Variants in HIPK2 observed in about 807,000 individuals in gnomAD.
HIPK2 encodes homeodomain-interacting protein kinase 2.
In HIPK2, 27 loss-of-function variants were observed where a neutral mutation model predicts 113.7. The ratio of observed to expected loss-of-function variants is 0.24; its 90% confidence interval spans 0.17 to 0.33. The LOEUF (loss-of-function observed/expected upper bound fraction) is 0.33. HIPK2 is among the 10% of genes least tolerant of loss of function. The probability of loss-of-function intolerance (pLI) is 1.00; values close to 1 mark genes in which losing one functional copy is unlikely to be tolerated. For synonymous variants in HIPK2, 631 were observed against 642.2 expected (o/e 0.98, Z 0.26); for missense variants, 1,257 against 1,588.0 (o/e 0.79, Z 3.54).
intron 2 of HIPK2, among the ~76,000 whole-genome samples, chr7:139,687,872 T>G (rs1276575384): frequency 1.3e-5 from 2 of 152,174 alleles, no homozygotes; most frequent in Non-Finnish European, 2.9e-5. Context: ...TATGGGTGAT[T>G]GGGAGAAGGA....
At chr7:139,644,337 T>C (rs2116404718) in intron 2 of HIPK2, among the ~76,000 whole-genome samples, 1 of 152,314 alleles carries the variant, frequency 6.6e-6, no homozygotes, top group South Asian at 2.1e-4. Flanking sequence ...CCATCCGCTG[T>C]CCCTCCTCCT....
chr7:139,638,845 G>C (rs185132247), intron 2 of HIPK2, among the ~76,000 whole-genome samples: 306 of 152,154 alleles, frequency 2.0e-3, no homozygotes, highest in African/African-American at 7.0e-3. Flanking sequence ...TTTTAGTAAA[G>C]ACGCGGTTTC....
At chr7:139,628,478 T>G (rs1800503712) in intron 5 of HIPK2, among the ~76,000 whole-genome samples, 1 of 152,190 alleles carries the variant, frequency 6.6e-6, no homozygotes, top group African/African-American at 2.4e-5. Flanking sequence ...GTTTTGATCT[T>G]GTTGTCCAGG....
At chr7:139,751,562 G>A (rs1039491112) in intron 1 of HIPK2, among the ~76,000 whole-genome samples, 9 of 148,004 alleles carry the variant, frequency 6.1e-5, no homozygotes, top group African/African-American at 2.3e-4. Flanking sequence ...AGGGAGGGAG[G>A]GATGGATGGA....
chr7:139,754,842 G>A (rs1247768410), intron 1 of HIPK2, among the ~76,000 whole-genome samples: 9 of 152,232 alleles, frequency 5.9e-5, no homozygotes, highest in South Asian at 2.1e-4. Context: ...CTTCCAATAC[G>A]TTCTCTTGCT....
chr7:139,643,477 T>G (rs1386533737), intron 2 of HIPK2, among the ~76,000 whole-genome samples: 3 of 152,116 alleles, frequency 2.0e-5, no homozygotes, highest in African/African-American at 7.2e-5. Context: ...AAAATCTAAC[T>G]CACTTGTTTA....
intron 1 of HIPK2, among the ~76,000 whole-genome samples, chr7:139,731,359 A>G (rs1169624032): frequency 6.6e-6 from 1 of 152,202 alleles, no homozygotes; most frequent in Non-Finnish European, 1.5e-5. Context: ...TTATGCAAAT[A>G]TATTTGTTCA....
intron 7 of HIPK2, 62 bp from the exon 8 acceptor site, chr7:139,614,555 G>C (rs1439244309): frequency 5.9e-6 from 6 of 1,025,508 alleles, no homozygotes; most frequent in Non-Finnish European, 7.8e-6. Flanking sequence ...GAGGTGGCAT[G>C]TTGGGAGACA....
In HIPK2 at chr7:139,673,949, T is replaced by C. The variant is rs1432348524; in HGVS notation, c.1103+41983A>G. On this transcript the variant is annotated intron_variant, in intron 2 of 14. Coordinates refer to ENST00000406875, the MANE Select transcript of HIPK2 (RefSeq NM_022740.5). ...CTAGGCAGACTGCAGACTACGCCTGTAGTCCCAGCAACTCGGGAGGCTGAG... is the reference window on the plus strand; with the variant it reads ...CTAGGCAGACTGCAGACTACGCCTGCAGTCCCAGCAACTCGGGAGGCTGAG... 4.2e-5 allele frequency among the ~76,000 whole-genome samples: 6 copies of C among 143,288 alleles called. No individual in the cohort carries two copies. The East Asian group carries it at 6.3e-4, about 15-fold the overall frequency. 94.0% of individuals were successfully genotyped at this position (143,288 alleles called of 152,430 possible).
intron 1 of HIPK2, 48 bp from the exon 2 acceptor site, chr7:139,717,063 C>G (rs1795269845): frequency 6.4e-7 from 1 of 1,556,412 alleles, no homozygotes; most frequent in African/African-American, 1.4e-5. Flanking sequence ...CACCTTGGTA[C>G]AAGTAAACTC....
At chr7:139,681,803 C>T (rs963706305) in intron 2 of HIPK2, among the ~76,000 whole-genome samples, 3 of 152,222 alleles carry the variant, frequency 2.0e-5, no homozygotes, top group African/African-American at 7.2e-5. Flanking sequence ...GCAGCCACCA[C>T]TGCTCCAGGG....
intron 2 of HIPK2, among the ~76,000 whole-genome samples, chr7:139,704,025 CCA>C (rs1460921182): frequency 2.3e-5 from 3 of 131,330 alleles, no homozygotes; most frequent in Non-Finnish European, 4.9e-5. Context: ...CCCTCCACAC[CCA>C]CACTATATCC....
intron 2 of HIPK2, among the ~76,000 whole-genome samples, chr7:139,701,943 G>A (rs1794721109): frequency 6.6e-6 from 1 of 152,176 alleles, no homozygotes; most frequent in African/African-American, 2.4e-5. Context: ...GAGAGTGGCA[G>A]AGGGGCAGGC....
At chr7:139,670,386 C>T (rs1425310192) in intron 2 of HIPK2, among the ~76,000 whole-genome samples, 1 of 151,410 alleles carries the variant, frequency 6.6e-6, no homozygotes, top group Non-Finnish European at 1.5e-5. Context: ...GAGTTCAAGA[C>T]CAGCCAGGGC....
chr7:139,635,701 G>C (rs181105216), intron 2 of HIPK2, among the ~76,000 whole-genome samples: 1 of 152,018 alleles, frequency 6.6e-6, no homozygotes, highest in East Asian at 1.9e-4. Flanking sequence ...GTCTGCGAAG[G>C]CCTCTGATGC....
At chr7:139,658,814 T>C (rs911190086) in intron 2 of HIPK2, among the ~76,000 whole-genome samples, 2 of 152,222 alleles carry the variant, frequency 1.3e-5, no homozygotes, top group Admixed American at 6.5e-5. Context: ...GCTAATTTTA[T>C]ATTGGAAGGC....
At chr7:139,614,597 A>C (rs1452411242) in intron 7 of HIPK2, 104 bp from the exon 8 acceptor site, 11 of 803,588 alleles carry the variant, frequency 1.4e-5, no homozygotes, top group Admixed American at 4.3e-5. Context: ...AACTCAAAGA[A>C]GAACAAACAA....
chr7:139,711,118 C>T (rs1205550848), intron 2 of HIPK2, among the ~76,000 whole-genome samples: 1 of 151,772 alleles, frequency 6.6e-6, no homozygotes, highest in East Asian at 1.9e-4. Flanking sequence ...ACAGTCTTTG[C>T]ACCCCAAAGA....
intron 6 of HIPK2, among the ~76,000 whole-genome samples, chr7:139,624,368 T>C (rs1800351617): frequency 6.6e-6 from 1 of 152,158 alleles, no homozygotes; most frequent in African/African-American, 2.4e-5. Flanking sequence ...CCTTTGCCAC[T>C]GGCTGGACCT....
Sources: gnomAD v4.1 joint callset for allele counts (sites outside exome capture counted in the v4.1 genomes callset) on GRCh38, gnomAD v4.1.1 for gene constraint, MANE v1.5 for transcripts, NCBI Gene and HGNC (gene_info 2026-07-23, HGNC 2026-07-21) for gene names.